RABGAP1: variants seen among roughly 807,000 people sequenced by gnomAD.
The protein encoded by RABGAP1 is RAB GTPase activating protein 1.
Under a neutral mutation model 137.6 loss-of-function variants are expected in RABGAP1, and 23 were observed. The ratio of observed to expected loss-of-function variants is 0.17; its 90% CI spans 0.12 to 0.24. The LOEUF is 0.24. RABGAP1 is among the 10% of genes least tolerant of loss of function. RABGAP1 has a pLI of 1.00. For missense variants in RABGAP1, 906 were observed against 1,275.8 expected, an observed-to-expected ratio of 0.71 and a Z score of 4.42; for synonymous variants, 451 against 450.7, an observed-to-expected ratio of 1.00 and a Z score of -0.01.
intron 1 of RABGAP1, among the ~76,000 whole-genome samples, chr9:122,941,331 C>T (rs1208902033): frequency 6.6e-6 from 1 of 152,244 alleles, no homozygotes; most frequent in Non-Finnish European, 1.5e-5. Context: ...CTGGGAGCCC[C>T]TGCCCAAACC....
intron 1 of RABGAP1, among the ~76,000 whole-genome samples, chr9:122,943,561 G>A (rs1206535057): frequency 6.6e-6 from 1 of 152,182 alleles, no homozygotes; most frequent in Non-Finnish European, 1.5e-5. Context: ...TACCTTTTCT[G>A]CTGCATATTG....
chr9:123,103,048 G>GAC, intron 25 of RABGAP1, 43 bp from the exon 26 acceptor site: 1 of 1,600,134 alleles, frequency 6.2e-7, no homozygotes, highest in Non-Finnish European at 8.5e-7. Context: ...CAGTGTCATT[G>GAC]ACACCAAGCC....
chr9:122,982,646 CTT>C (rs1396423926), intron 2 of RABGAP1, among the ~76,000 whole-genome samples: 1 of 152,134 alleles, frequency 6.6e-6, no homozygotes, highest in Non-Finnish European at 1.5e-5. Flanking sequence ...CTTGGGCTGT[CTT>C]TTGCTTACTG....
intron 12 of RABGAP1, 23 bp from the exon 13 acceptor site, chr9:123,020,286 A>T: frequency 1.4e-6 from 2 of 1,462,098 alleles, no homozygotes; most frequent in South Asian, 1.5e-5. Flanking sequence ...TTTATGATTT[A>T]TGGTTTATGG....
chr9:123,089,819 C>T lies in RABGAP1; in HGVS notation c.2486C>T (p.Ala829Val). The change falls in exon 20 of 26, where the codon GCC (alanine) becomes GTC (valine). Residue 829 changes from alanine (A) to valine (V), a missense_variant. Coordinates refer to ENST00000373647, the MANE Select transcript of RABGAP1 (RefSeq NM_012197.4). Reference protein sequence around the residue: ...KEYHTMREQQAQQEDPIERFE... With the variant: ...KEYHTMREQQVQQEDPIERFE... The stretch of plus-strand genomic sequence containing the variant: ...TATCACACCATGAGGGAACAGCAGG[C>T]CCAGCAAGAAGACCCCATCGAGCGA... 1.2e-6 allele frequency: 2 copies of T among 1,613,772 alleles called. No individual in the cohort carries two copies. The highest frequency in any genetic ancestry group is 1.1e-5 in the South Asian group (1 of 91,044).
At chr9:122,950,915 G>A (rs1429993345) in intron 1 of RABGAP1, among the ~76,000 whole-genome samples, 1 of 152,152 alleles carries the variant, frequency 6.6e-6, no homozygotes, top group East Asian at 1.9e-4. Flanking sequence ...GATAGTGGTA[G>A]GAAATGGATG....
At chr9:122,990,599 GTC>G (rs1836618592) in intron 6 of RABGAP1, 1 of 150,774 alleles carries the variant, frequency 6.6e-6, no homozygotes, top group Non-Finnish European at 1.5e-5. Flanking sequence ...GAGAAACCTT[GTC>G]TCTACTAAAA....
chr9:122,959,023 C>G (rs1834697752), intron 2 of RABGAP1, among the ~76,000 whole-genome samples: 3 of 151,922 alleles, frequency 2.0e-5, no homozygotes, highest in African/African-American at 4.8e-5. Context: ...AAGAAAAAAC[C>G]CTTACTCTTA....
intron 19 of RABGAP1, 98 bp downstream of exon 19, chr9:123,076,860 T>C (rs2034526359): frequency 1.3e-6 from 1 of 760,472 alleles, no homozygotes; most frequent in Non-Finnish European, 1.7e-6. Flanking sequence ...ATTATATTTA[T>C]AACATTTATA....
intron 13 of RABGAP1, chr9:123,034,376 A>G: frequency 1.7e-6 from 1 of 579,656 alleles, no homozygotes; most frequent in South Asian, 2.4e-5. Context: ...TCCTTATTCC[A>G]GGAAGGATTT....
rs780522291 is a variant in RABGAP1 at position 123,101,778 on chromosome 9, G to C, written c.3087+15G>C. Reference sequence around the variant, plus strand: ...GTAAGATACAGGTAACAGCAGCAGAGCTCAGACATGTGCCTGCGGGCTGGG... The same window carrying C: ...GTAAGATACAGGTAACAGCAGCAGACCTCAGACATGTGCCTGCGGGCTGGG... On this transcript the variant is annotated intron_variant, in intron 25 of 25. Coordinates refer to ENST00000373647, the MANE Select transcript of RABGAP1 (RefSeq NM_012197.4). 9 of 1,568,802 alleles carry C rather than the reference G, an allele frequency of 5.7e-6. No homozygotes were observed. In the East Asian group the frequency reaches 1.8e-4, roughly 32 times the overall value.
At chr9:123,062,051 A>G (rs1392510553) in intron 13 of RABGAP1, 2 of 152,214 alleles carry the variant, frequency 1.3e-5, no homozygotes, top group East Asian at 3.8e-4. Context: ...CGTGCGCATC[A>G]CCTGAGGTCA....
At chr9:123,047,180 C>T (rs918678661) in intron 13 of RABGAP1, among the ~76,000 whole-genome samples, 1 of 152,112 alleles carries the variant, frequency 6.6e-6, no homozygotes, top group Non-Finnish European at 1.5e-5. Flanking sequence ...TTCAGCCAAA[C>T]GAGTTAAGAT....
rs368051527 is a variant in RABGAP1 at position 123,076,790 on chromosome 9, T to A, written c.2424+28T>A. On this transcript the variant is annotated intron_variant, in intron 19 of 25. Transcript: ENST00000373647. Reference sequence around the variant, plus strand: ...AAAATAATTTTGCATTAGTTAAGATTCTGTTTTTCACTTAGTGTCTCACTA... The same window carrying A: ...AAAATAATTTTGCATTAGTTAAGATACTGTTTTTCACTTAGTGTCTCACTA... The A allele has an allele frequency of 2.5e-5, 38 of 1,529,516 alleles. 1 individual carries two copies. Among genetic ancestry groups the A allele is most frequent in the Middle Eastern group, 3.4e-4 (2 of 5,804 alleles). The allele number at this position is 1,529,516 out of a possible 1,614,324, so 94.7% of individuals were successfully genotyped here.
chr9:122,984,839 A>G (rs1209649591), intron 3 of RABGAP1, 120 bp downstream of exon 3: 1 of 859,620 alleles, frequency 1.2e-6, no homozygotes, highest in Admixed American at 2.7e-5. Context: ...ACAGGCAAAA[A>G]CATTCTCTAG....
chr9:122,990,797 ATATATATATATATATATATATATAT>A (rs1480471453), intron 6 of RABGAP1: 1 of 31,814 alleles, frequency 3.1e-5, no homozygotes, highest in African/African-American at 2.3e-4. Context: ...AAAAAAAAAA[ATATATATATATATATATATATATAT>A]ATATATATAT....
chr9:123,103,187 G>C lies in RABGAP1; in HGVS notation c.3184G>C (p.Gly1062Arg), dbSNP rs749348336. The C allele has an allele frequency of 6.2e-7, 1 of 1,614,088 alleles. No individual in the cohort carries two copies. The highest frequency in any genetic ancestry group is 8.5e-7 in the Non-Finnish European group (1 of 1,179,962). The change falls in exon 26 of 26, where the codon GGG (glycine) becomes CGG (arginine). Residue 1062 changes from glycine (G) to arginine (R), a missense_variant. Gly to Arg is a moderately radical substitution (Grantham distance 125). Transcript: ENST00000373647. ...ACTGAGCTCCATAAAGACAGCAACCGGGGTTCAAGGGAAAGAGACTTGCTG... is the reference window on the plus strand; with the variant it reads ...ACTGAGCTCCATAAAGACAGCAACCCGGGTTCAAGGGAAAGAGACTTGCTG... ...RTLSSIKTAT[G>R]VQGKETC
Position 123,076,637 on chromosome 9 carries a change from T to A in RABGAP1, c.2299T>A (p.Ser767Thr), listed in dbSNP as rs151307667. Reference sequence around the variant, plus strand: ...ATGTGTTTGTATTTTCTTCAAGACTTCGAAAGATGACCTGCTGTTGACAGA... The same window carrying A: ...ATGTGTTTGTATTTTCTTCAAGACTACGAAAGATGACCTGCTGTTGACAGA... ...FNVALGLLKT[S>T]KDDLLLTDFE... Residue 767 changes from serine (S) to threonine (T), a missense_variant, in exon 19 of 26, where the codon TCG (serine) becomes ACG (threonine). Coordinates refer to ENST00000373647, the MANE Select transcript of RABGAP1 (RefSeq NM_012197.4). 2.0e-5 allele frequency: 32 copies of A among 1,590,024 alleles called. No homozygotes were observed. Among genetic ancestry groups the A allele is most frequent in the Non-Finnish European group, 2.6e-5 (30 of 1,171,172 alleles).
chr9:123,101,683 C>T lies in RABGAP1; in HGVS notation c.3007C>T (p.Leu1003Phe). 6.2e-7 allele frequency: 1 copy of T among 1,613,958 alleles called. No homozygotes were observed. Among genetic ancestry groups the T allele is most frequent in the Non-Finnish European group, 8.5e-7 (1 of 1,179,954 alleles). Residue 1003 changes from leucine (L) to phenylalanine (F), a missense_variant, in exon 25 of 26, where the codon CTC becomes TTC. Physicochemically the swap from Leu to Phe is conservative, Grantham distance 22. Around this residue, in one of 9 missense-constraint regions of RABGAP1, gnomAD observed 193 missense variants for 248.1 expected, o/e 0.78. Transcript: ENST00000373647. ...DEDTDEEKET[L>F]KNQLREMELE... ...GGACACGGATGAAGAGAAAGAGACGCTCAAGAACCAGCTGAGAGAAATGGA... is the reference window on the plus strand; with the variant it reads ...GGACACGGATGAAGAGAAAGAGACGTTCAAGAACCAGCTGAGAGAAATGGA...
Sources: gnomAD v4.1 joint callset for allele counts (sites outside exome capture counted in the v4.1 genomes callset) on GRCh38, gnomAD v4.1.1 for gene constraint, gnomAD v4.1.1 regional missense constraint, MANE v1.5 for transcripts, NCBI Gene and HGNC (gene_info 2026-07-23, HGNC 2026-07-21) for gene names.